NRIP3: variants seen among roughly 807,000 people sequenced by gnomAD.
NRIP3 encodes the protein nuclear receptor-interacting protein 3.
NRIP3 carries 31 observed loss-of-function variants against 29.0 expected under a neutral mutation model. That is an observed-to-expected ratio of 1.07 (90% CI 0.80 to 1.44). The LOEUF (loss-of-function observed/expected upper bound fraction) is 1.44. Ranked by LOEUF, NRIP3 falls within the 40% of genes most tolerant of loss-of-function variation. NRIP3 has a pLI of 0.00. For missense variants in NRIP3, 314 were observed against 297.9 expected (o/e 1.05, Z -0.40); for synonymous variants, 131 against 118.3 (o/e 1.11, Z -0.70).
In NRIP3 at chr11:8,985,460, C is replaced by T. The variant is rs1169536321; in HGVS notation, c.562+251G>A. Among the ~76,000 whole-genome samples the T allele has an allele frequency of 6.2e-5, 9 of 145,832 alleles. No homozygotes were observed. The East Asian group carries it at 1.9e-3, about 30-fold the overall frequency. On this transcript the variant is annotated intron_variant, in intron 4 of 6. Coordinates refer to ENST00000309166, the MANE Select transcript of NRIP3 (RefSeq NM_020645.3). ...CTGGGATTACAGGCATGACCCACCGCACCCGGCCGAATTTTTTTTTTATCT... is the reference window on the plus strand; with the variant it reads ...CTGGGATTACAGGCATGACCCACCGTACCCGGCCGAATTTTTTTTTTATCT...
intron 1 of NRIP3, among the ~76,000 whole-genome samples, chr11:9,002,767 TAA>T (rs1854831849): frequency 6.6e-6 from 1 of 152,150 alleles, no homozygotes; most frequent in South Asian, 2.1e-4. Flanking sequence ...TTTCATTTGT[TAA>T]AAGACATTTA....
chr11:8,986,624 A>C (rs1338654269), intron 3 of NRIP3, among the ~76,000 whole-genome samples: 1 of 152,232 alleles, frequency 6.6e-6, no homozygotes, highest in East Asian at 1.9e-4. Context: ...ATGGTTATTA[A>C]TTCCTCTGGA....
rs767843400 is a variant in NRIP3 at position 8,985,800 on chromosome 11, A to G, written c.473T>C (p.Leu158Pro). 1.5e-5 allele frequency: 24 copies of G among 1,614,058 alleles called. No individual in the cohort carries two copies. In the Middle Eastern group the frequency reaches 4.9e-4, roughly 33 times the overall value. The change falls in exon 4 of 7, where the codon CTA (leucine) becomes CCA (proline). Residue 158 changes from leucine (L) to proline (P), a missense_variant. By Grantham distance (98) the Leu-to-Pro change is moderately conservative (BLOSUM62 -3). Transcript: ENST00000309166. The part of the protein sequence containing the change: ...SHKHEGEKLS[L>P]PRHLKVVGQI... Reference sequence around the variant, plus strand: ...GCCCACTACTTTGAGATGCCGGGGTAGAGAAAGCTTTTCTCCTTCATGCTT... The same window carrying G: ...GCCCACTACTTTGAGATGCCGGGGTGGAGAAAGCTTTTCTCCTTCATGCTT...
intron 4 of NRIP3, 116 bp from the exon 5 acceptor site, chr11:8,984,240 G>C: frequency 1.4e-6 from 1 of 690,598 alleles, no homozygotes; most frequent in Non-Finnish European, 2.6e-6. Context: ...AACATATATT[G>C]AGCATGTGTT....
intron 1 of NRIP3, among the ~76,000 whole-genome samples, chr11:8,996,167 G>A (rs1368474498): frequency 6.6e-6 from 1 of 151,560 alleles, no homozygotes; most frequent in Non-Finnish European, 1.5e-5. Flanking sequence ...CATGTTAACT[G>A]CACAAGGGCA....
intron 2 of NRIP3, 63 bp downstream of exon 2, chr11:8,988,055 G>C: frequency 6.6e-7 from 1 of 1,508,990 alleles, no homozygotes; most frequent in Non-Finnish European, 9.2e-7. Flanking sequence ...ATAAAGTCAG[G>C]AGGAGAGGGC....
At chr11:9,002,070 C>T (rs1243651065) in intron 1 of NRIP3, among the ~76,000 whole-genome samples, 1 of 152,178 alleles carries the variant, frequency 6.6e-6, no homozygotes, top group East Asian at 1.9e-4. Context: ...AATTCTTACA[C>T]AGCATGAAGT....
rs1323432984 is a variant in NRIP3, at chr11:8,982,977, C to G, written c.*568G>C. The G allele has an allele frequency of 2.2e-6, 1 of 456,606 alleles. No homozygotes were observed. The highest frequency in any genetic ancestry group is 4.4e-6 in the Non-Finnish European group (1 of 226,962). The allele number at this position is 456,606 out of a possible 1,614,324, so 28.3% of individuals were successfully genotyped here. ...CACTGACCTAATATATGAACTTAGA[C>G]AATTCACTTGCCTCTCTGGACCTTT... On this transcript the variant is annotated 3_prime_UTR_variant, in exon 7 of 7. Transcript: ENST00000309166.
chr11:9,004,212 G>T (rs1854873581), upstream of NRIP3: 1 of 300,968 alleles, frequency 3.3e-6, no homozygotes, highest in Non-Finnish European at 6.1e-6. Context: ...GGCAGTCCGA[G>T]AATCCACCGC....
chr11:8,998,233 AAC>A (rs985767193), intron 1 of NRIP3, among the ~76,000 whole-genome samples: 2 of 152,196 alleles, frequency 1.3e-5, no homozygotes, highest in East Asian at 1.9e-4. Context: ...ACCCCATGGA[AAC>A]ACAGATTGTT....
chr11:8,983,609 A>C (rs774488739), intron 6 of NRIP3, 49 bp from the exon 7 acceptor site: 3 of 1,590,700 alleles, frequency 1.9e-6, no homozygotes, highest in Non-Finnish European at 2.6e-6. Flanking sequence ...ATTCAAAAAA[A>C]GTTAAGCTGA....
rs567663270 is a variant in NRIP3 at position 8,992,151 on chromosome 11, G to C, written c.175-3869C>G. Among the ~76,000 whole-genome samples the C allele has an allele frequency of 3.3e-5, 5 of 152,282 alleles. No homozygotes were observed. The South Asian group carries it at 1.0e-3, about 32-fold the overall frequency. ...GTACTACTCAAACTAAAATTAAAAG[G>C]CTGAGGAGTTACAGGTATCAGAACC... is the stretch of plus-strand genomic sequence containing the variant. On this transcript the variant is annotated intron_variant, in intron 1 of 6. Coordinates refer to ENST00000309166, the MANE Select transcript of NRIP3 (RefSeq NM_020645.3).
rs542923629 is a variant in NRIP3 at position 9,001,360 on chromosome 11, T to A, written c.174+2402A>T. Among the ~76,000 whole-genome samples the A allele has an allele frequency of 2.7e-3, 404 of 152,218 alleles. 1 individual carries two copies. The highest frequency in any genetic ancestry group is 9.1e-3 in the African/African-American group (379 of 41,542). ...AGTGAACATTACAGAAACAGCATAG[T>A]AAGAGGTAGATAATTCAGAAATCCC... On this transcript the variant is annotated intron_variant, in intron 1 of 6. Transcript: ENST00000309166.
intron 1 of NRIP3, 21 bp from the exon 2 acceptor site, chr11:8,988,303 G>A: frequency 1.2e-6 from 2 of 1,606,680 alleles, no homozygotes; most frequent in Non-Finnish European, 1.7e-6. Flanking sequence ...AGAAAGCAGA[G>A]ACTTCTTAGT....
intron 3 of NRIP3, 35 bp downstream of exon 3, chr11:8,987,513 C>T: frequency 7.0e-7 from 1 of 1,429,708 alleles, no homozygotes; most frequent in Non-Finnish European, 9.9e-7. Flanking sequence ...AGTACAGTCA[C>T]ATCTAAGTTC....
intron 3 of NRIP3, among the ~76,000 whole-genome samples, chr11:8,986,756 C>T (rs1300848913): frequency 2.0e-5 from 3 of 152,170 alleles, no homozygotes; most frequent in Admixed American, 6.5e-5. Flanking sequence ...CAGTGGCTCA[C>T]GCCTGTAATG....
intron 1 of NRIP3, among the ~76,000 whole-genome samples, chr11:8,997,375 A>AAAG (rs1555231803): frequency 1.4e-4 from 19 of 131,308 alleles, no homozygotes; most frequent in East Asian, 6.6e-4. Flanking sequence ...AAAAAAAAAA[A>AAAG]AAAGAAAGAA....
chr11:8,984,272 T>C (rs143061095), intron 4 of NRIP3, 148 bp from the exon 5 acceptor site: 18 of 516,904 alleles, frequency 3.5e-5, no homozygotes, highest in Non-Finnish European at 6.0e-5. Context: ...ATTTTTTTTT[T>C]ATTTTTTGAG....
chr11:8,984,702 A>G (rs1006673343), intron 4 of NRIP3, among the ~76,000 whole-genome samples: 1 of 152,250 alleles, frequency 6.6e-6, no homozygotes, highest in Non-Finnish European at 1.5e-5. Context: ...AGTCAAGAGT[A>G]AAATGTAGAG....
Sources: gnomAD v4.1 joint callset for allele counts (sites outside exome capture counted in the v4.1 genomes callset) on GRCh38, gnomAD v4.1.1 for gene constraint, MANE v1.5 for transcripts, NCBI Gene and HGNC (gene_info 2026-07-23, HGNC 2026-07-21) for gene names.